Variants in MXI1 observed in about 807,000 individuals in gnomAD.
The protein encoded by MXI1 is MAX interactor 1, dimerization protein, also known as max-interacting protein 1.
MXI1 carries 18 observed loss-of-function variants against 36.9 expected under a neutral mutation model. That is an observed-to-expected ratio of 0.49 (90% CI 0.34 to 0.72). The LOEUF (loss-of-function observed/expected upper bound fraction) is 0.72. MXI1 is among the 30% of genes least tolerant of loss of function. MXI1 has a pLI of 0.01. For missense variants in MXI1, 304 were observed against 379.1 expected, an observed-to-expected ratio of 0.80 and a Z score of 1.64; for synonymous variants, 160 against 146.7, an observed-to-expected ratio of 1.09 and a Z score of -0.65.
chr10:110,245,163 G>A lies in MXI1; in HGVS notation c.437+306G>A, dbSNP rs188806368. 3.9e-5 allele frequency among the ~76,000 whole-genome samples: 6 copies of A among 152,208 alleles called. No homozygotes were observed. The East Asian group carries it at 1.2e-3, about 29-fold the overall frequency. On this transcript the variant is annotated intron_variant, in intron 3 of 5. Coordinates refer to ENST00000332674, the MANE Select transcript of MXI1 (RefSeq NM_130439.3). Reference sequence around the variant, plus strand: ...ATGGTTTAAATGTAGTTTTGCTAAAGGGTAGGATTTCTAAAGAGTAGGTAA... The same window carrying A: ...ATGGTTTAAATGTAGTTTTGCTAAAAGGTAGGATTTCTAAAGAGTAGGTAA...
intron 3 of MXI1, among the ~76,000 whole-genome samples, chr10:110,250,703 A>T (rs1013341672): frequency 1.3e-5 from 2 of 151,752 alleles, no homozygotes; most frequent in African/African-American, 4.8e-5. Context: ...ATGGTGGTGC[A>T]TCCTTGTAAT....
intron 2 of MXI1, among the ~76,000 whole-genome samples, chr10:110,235,702 T>TAA (rs1590352951): frequency 1.4e-5 from 2 of 141,612 alleles, no homozygotes; most frequent in South Asian, 5.5e-4. Context: ...AATAAATAAA[T>TAA]AAATAAATAA....
At position 110,285,053 on chromosome 10, in the gene MXI1, T is replaced by G; in HGVS notation, c.*66T>G. The stretch of plus-strand genomic sequence containing the variant: ...GGGCCAATTCAATACAAACAATCTC[T>G]TAAATTGGGTTCATGATGCAGTCTC... On this transcript the variant is annotated 3_prime_UTR_variant, in exon 6 of 6. Coordinates refer to ENST00000332674, the MANE Select transcript of MXI1 (RefSeq NM_130439.3). 9 of 1,451,082 alleles carry G rather than the reference T, an allele frequency of 6.2e-6. No homozygotes were observed. The highest frequency in any genetic ancestry group is 6.5e-6 in the Non-Finnish European group (7 of 1,080,256). The allele number at this position is 1,451,082 out of a possible 1,614,324, so 89.9% of individuals were successfully genotyped here. A position where few individuals can be genotyped will look rare whatever the true frequency, so the allele number is the denominator to read the frequency against.
chr10:110,234,787 G>A (rs1192234548), intron 2 of MXI1, among the ~76,000 whole-genome samples: 1 of 152,074 alleles, frequency 6.6e-6, no homozygotes, highest in African/African-American at 2.4e-5. Flanking sequence ...TTAACTTCGA[G>A]AATATGTTTA....
chr10:110,232,896 A>G (rs1855326133), intron 2 of MXI1, among the ~76,000 whole-genome samples: 1 of 152,244 alleles, frequency 6.6e-6, no homozygotes, highest in African/African-American at 2.4e-5. Context: ...AGGCTACAGA[A>G]TGCTACACTT....
chr10:110,265,966 T>C (rs1856665341), intron 3 of MXI1, among the ~76,000 whole-genome samples: 1 of 152,214 alleles, frequency 6.6e-6, no homozygotes, highest in Non-Finnish European at 1.5e-5. Flanking sequence ...GGGGTGAAAG[T>C]GAACTTGCAG....
intron 4 of MXI1, 71 bp from the exon 5 acceptor site, chr10:110,279,843 C>T: frequency 8.4e-7 from 1 of 1,188,432 alleles, no homozygotes; most frequent in East Asian, 2.6e-5. Flanking sequence ...GTTTTCTCTG[C>T]TAAAGGAGGA....
chr10:110,270,084 G>A (rs1856807986), intron 3 of MXI1, among the ~76,000 whole-genome samples: 1 of 152,220 alleles, frequency 6.6e-6, no homozygotes, highest in East Asian at 1.9e-4. Flanking sequence ...CTAGAGAGGA[G>A]TATCCCTTCC....
intron 5 of MXI1, among the ~76,000 whole-genome samples, chr10:110,283,931 C>A (rs2134483286): frequency 6.6e-6 from 1 of 151,226 alleles, no homozygotes; most frequent in South Asian, 2.1e-4. Context: ...TACTGGATCA[C>A]CCACTATACC....
At chr10:110,249,117 T>C (rs1259282693) in intron 3 of MXI1, among the ~76,000 whole-genome samples, 1 of 152,216 alleles carries the variant, frequency 6.6e-6, no homozygotes, top group African/African-American at 2.4e-5. Flanking sequence ...AAAGTTATTC[T>C]AGCTTTGGCA....
At chr10:110,209,944 C>T (rs1188303505) in intron 1 of MXI1, among the ~76,000 whole-genome samples, 7 of 150,870 alleles carry the variant, frequency 4.6e-5, no homozygotes, top group African/African-American at 1.7e-4. Context: ...CCCCCCTCAC[C>T]AGCGAGGTGT....
intron 1 of MXI1, among the ~76,000 whole-genome samples, chr10:110,209,543 C>G (rs1476132534): frequency 6.6e-6 from 1 of 152,064 alleles, no homozygotes; most frequent in Non-Finnish European, 1.5e-5. Flanking sequence ...GTTGTGAGGT[C>G]GGTGGTGCGT....
At chr10:110,213,830 A>G (rs1255442068) in intron 1 of MXI1, among the ~76,000 whole-genome samples, 1 of 152,256 alleles carries the variant, frequency 6.6e-6, no homozygotes, top group Non-Finnish European at 1.5e-5. Flanking sequence ...GCAAAAGTCT[A>G]GAGGTGAAAC....
At chr10:110,231,683 C>A (rs1855270634) in intron 2 of MXI1, among the ~76,000 whole-genome samples, 1 of 152,154 alleles carries the variant, frequency 6.6e-6, no homozygotes, top group Non-Finnish European at 1.5e-5. Flanking sequence ...GATGTTACTG[C>A]TGTTAGAGAA....
intron 1 of MXI1, among the ~76,000 whole-genome samples, chr10:110,219,231 C>T (rs1254137847): frequency 2.0e-5 from 3 of 152,256 alleles, no homozygotes; most frequent in South Asian, 2.1e-4. Context: ...ACCTGAGAGG[C>T]GGAGCTTGCA....
At chr10:110,226,024 C>T (rs1238689824) in intron 1 of MXI1, 1 of 981,434 alleles carries the variant, frequency 1.0e-6, no homozygotes, top group African/African-American at 1.8e-5. Context: ...CTGCCCGCGG[C>T]ACGGCGGGCG....
At chr10:110,252,233 CT>C (rs1856118480) in intron 3 of MXI1, among the ~76,000 whole-genome samples, 2 of 152,064 alleles carry the variant, frequency 1.3e-5, no homozygotes, top group Non-Finnish European at 2.9e-5. Context: ...AAGTTATCTT[CT>C]CTTAGTGCCT....
At chr10:110,259,798 G>A (rs1467117626) in intron 3 of MXI1, among the ~76,000 whole-genome samples, 2 of 151,992 alleles carry the variant, frequency 1.3e-5, no homozygotes, top group Non-Finnish European at 2.9e-5. Flanking sequence ...GACAGTGAAA[G>A]TCCCGTAAGT....
chr10:110,248,590 A>G (rs1397562420), intron 3 of MXI1, among the ~76,000 whole-genome samples: 1 of 152,144 alleles, frequency 6.6e-6, no homozygotes, highest in East Asian at 1.9e-4. Context: ...TTACTTAGAT[A>G]TAAGACTTTC....
Sources: gnomAD v4.1 joint callset for allele counts (sites outside exome capture counted in the v4.1 genomes callset) on GRCh38, gnomAD v4.1.1 for gene constraint, MANE v1.5 for transcripts, NCBI Gene and HGNC (gene_info 2026-07-23, HGNC 2026-07-21) for gene names.